The following SGCZ variants were observed in gnomAD, a reference collection of about 807,000 sequenced individuals.
The protein encoded by SGCZ is sarcoglycan zeta, also known as zeta-sarcoglycan.
A neutral mutation model predicts 41.3 loss-of-function variants in SGCZ; 40 were observed. The observed-to-expected ratio is 0.97, with a 90% CI of 0.75 to 1.26. The LOEUF is 1.26. Ranked by LOEUF, SGCZ falls within the 50% of genes most tolerant of loss-of-function variation. The pLI is 0.00. For missense variants in SGCZ, 552 were observed against 369.8 expected (o/e 1.49, Z -4.04); for synonymous variants, 206 against 137.5 (o/e 1.50, Z -3.49).
chr8:15,095,842 G>C (rs536900768), intron 1 of SGCZ, among the ~76,000 whole-genome samples: 10 of 152,076 alleles, frequency 6.6e-5, no homozygotes, highest in Non-Finnish European at 1.5e-4. Context: ...AACAAGTTAT[G>C]TTCCCGGTAA....
At chr8:14,152,715 A>G (rs1273402133) in intron 5 of SGCZ, among the ~76,000 whole-genome samples, 1 of 152,234 alleles carries the variant, frequency 6.6e-6, no homozygotes, top group African/African-American at 2.4e-5. Context: ...GTTCACACAA[A>G]AACTTGTACA....
intron 1 of SGCZ, among the ~76,000 whole-genome samples, chr8:15,052,864 A>G (rs1276222875): frequency 1.3e-5 from 2 of 152,122 alleles, no homozygotes; most frequent in Non-Finnish European, 2.9e-5. Flanking sequence ...TGAACTCTCT[A>G]TGAAAAACAT....
At chr8:14,360,153 A>G (rs1046474315) in intron 2 of SGCZ, among the ~76,000 whole-genome samples, 2 of 152,176 alleles carry the variant, frequency 1.3e-5, no homozygotes, top group African/African-American at 4.8e-5. Context: ...GACAGCTAGT[A>G]TCATACTTAA....
intron 1 of SGCZ, among the ~76,000 whole-genome samples, chr8:14,576,220 T>C (rs193101535): frequency 1.3e-5 from 2 of 152,320 alleles, no homozygotes; most frequent in Admixed American, 1.3e-4. Context: ...GTGCTGTCTA[T>C]GTCGGCATAT....
At chr8:14,717,996 G>GATATATATATATATATAT (rs140343071) in intron 1 of SGCZ, among the ~76,000 whole-genome samples, 5,462 of 144,622 alleles carry the variant, frequency 0.038, 199 homozygotes, top group African/African-American at 0.078. Context: ...TCTAAAATAA[G>GATATATATATATATATAT]ATATATATAT....
chr8:15,146,596 C>T (rs984667165), intron 1 of SGCZ, among the ~76,000 whole-genome samples: 1 of 152,128 alleles, frequency 6.6e-6, no homozygotes, highest in Non-Finnish European at 1.5e-5. Context: ...CTGTTTGTAG[C>T]TTTAGTGTTA....
chr8:14,095,239 T>G (rs541874552), intron 7 of SGCZ, among the ~76,000 whole-genome samples: 73 of 152,196 alleles, frequency 4.8e-4, no homozygotes, highest in Non-Finnish European at 8.4e-4. Context: ...AGTTTTCTTC[T>G]AGGGTTTTAC....
At chr8:14,154,704 T>C (rs577677960) in intron 5 of SGCZ, among the ~76,000 whole-genome samples, 36 of 152,280 alleles carry the variant, frequency 2.4e-4, no homozygotes, top group Non-Finnish European at 4.6e-4. Context: ...TATAAAATGG[T>C]AGAGGCTGTT....
chr8:14,685,836 T>C (rs924211739), intron 1 of SGCZ, among the ~76,000 whole-genome samples: 1 of 152,128 alleles, frequency 6.6e-6, no homozygotes, highest in African/African-American at 2.4e-5. Context: ...TCAATAAATG[T>C]TCATTAAACA....
intron 1 of SGCZ, among the ~76,000 whole-genome samples, chr8:14,696,338 G>C (rs1295290650): frequency 6.6e-6 from 1 of 152,050 alleles, no homozygotes; most frequent in Non-Finnish European, 1.5e-5. Flanking sequence ...TGAACGCAAA[G>C]ATTCTCCCCT....
chr8:14,521,861 TTTTC>T (rs1405533020), intron 2 of SGCZ, among the ~76,000 whole-genome samples: 4 of 152,084 alleles, frequency 2.6e-5, no homozygotes, highest in African/African-American at 9.7e-5. Flanking sequence ...ATCATTAAAT[TTTTC>T]ACCATCAAGC....
intron 4 of SGCZ, among the ~76,000 whole-genome samples, chr8:14,221,751 C>T (rs912620022): frequency 1.3e-5 from 2 of 152,056 alleles, no homozygotes; most frequent in Non-Finnish European, 2.9e-5. Context: ...GCCTGGCCAA[C>T]ATGGTGAAAC....
At chr8:14,296,847 C>T (rs1298788737) in intron 3 of SGCZ, among the ~76,000 whole-genome samples, 1 of 151,980 alleles carries the variant, frequency 6.6e-6, no homozygotes, top group Non-Finnish European at 1.5e-5. Flanking sequence ...CTAGCCCAAG[C>T]ATATCATTAA....
chr8:14,258,068 A>C (rs1247167693), intron 3 of SGCZ, among the ~76,000 whole-genome samples: 1 of 152,178 alleles, frequency 6.6e-6, no homozygotes, highest in Non-Finnish European at 1.5e-5. Context: ...TTTTAATTAC[A>C]ACTACCAAAG....
chr8:14,764,418 C>T (rs1424627573), intron 1 of SGCZ, among the ~76,000 whole-genome samples: 1 of 152,284 alleles, frequency 6.6e-6, no homozygotes, highest in Non-Finnish European at 1.5e-5. Flanking sequence ...ATTATGTGAT[C>T]ACACATGGCT....
chr8:14,456,622 G>A (rs1563341468), intron 2 of SGCZ, among the ~76,000 whole-genome samples: 1 of 152,114 alleles, frequency 6.6e-6, no homozygotes, highest in Non-Finnish European at 1.5e-5. Flanking sequence ...AGATATATGA[G>A]AAGAGTGAAA....
chr8:14,901,006 A>G (rs1187281718), intron 1 of SGCZ, among the ~76,000 whole-genome samples: 1 of 152,210 alleles, frequency 6.6e-6, no homozygotes, highest in East Asian at 1.9e-4. Context: ...TTTGATAATC[A>G]AATTTATTAA....
At chr8:14,769,954 C>T (rs939016467) in intron 1 of SGCZ, among the ~76,000 whole-genome samples, 7 of 151,782 alleles carry the variant, frequency 4.6e-5, no homozygotes, top group African/African-American at 1.5e-4. Flanking sequence ...TGGCCTCTAT[C>T]AGCCAGTACA....
intron 2 of SGCZ, among the ~76,000 whole-genome samples, chr8:14,553,428 CTG>C (rs1585074247): frequency 6.6e-6 from 1 of 152,182 alleles, no homozygotes; most frequent in Non-Finnish European, 1.5e-5. Flanking sequence ...TTTTCTAACT[CTG>C]TGAAAATATT....
Sources: allele counts gnomAD v4.1 joint callset (sites outside exome capture counted in the v4.1 genomes callset), GRCh38; gene constraint gnomAD v4.1.1; transcripts MANE v1.5; gene names NCBI Gene and HGNC (gene_info 2026-07-23, HGNC 2026-07-21).